Variants in ADGRB3 observed in about 807,000 individuals in gnomAD.
ADGRB3 encodes brain-specific angiogenesis inhibitor 3.
A neutral mutation model predicts 193.4 loss-of-function variants in ADGRB3; 37 were observed. That is an observed-to-expected ratio of 0.19 (90% CI 0.15 to 0.25). ADGRB3 has a LOEUF of 0.25. ADGRB3 is among the 10% of genes least tolerant of loss of function. ADGRB3 has a pLI of 1.00. For synonymous variants in ADGRB3, 690 were observed against 644.2 expected (o/e 1.07, Z -1.08); for missense variants, 1,637 against 1,852.9 (o/e 0.88, Z 2.14).
At chr6:69,335,284 A>G (rs1768822286) in intron 24 of ADGRB3, among the ~76,000 whole-genome samples, 5 of 152,124 alleles carry the variant, frequency 3.3e-5, no homozygotes, top group Admixed American at 3.3e-4. Context: ...CTTATTATGA[A>G]TTTAGAAATT....
intron 20 of ADGRB3, among the ~76,000 whole-genome samples, chr6:69,284,941 G>A (rs533015158): frequency 6.6e-6 from 1 of 152,142 alleles, no homozygotes; most frequent in South Asian, 2.1e-4. Context: ...CATAAAATTG[G>A]CAAGATATTC....
intron 8 of ADGRB3, among the ~76,000 whole-genome samples, chr6:68,969,448 G>A (rs966079735): frequency 2.0e-5 from 3 of 152,144 alleles, no homozygotes; most frequent in Non-Finnish European, 4.4e-5. Context: ...GTAGGCTACA[G>A]CCCTTATGAG....
At chr6:69,201,483 C>A (rs1005703119) in intron 17 of ADGRB3, among the ~76,000 whole-genome samples, 1 of 151,692 alleles carries the variant, frequency 6.6e-6, no homozygotes, top group Non-Finnish European at 1.5e-5. Context: ...TTCTAATTTT[C>A]TCTGCTTTCT....
At chr6:69,023,989 G>GA (rs1476434971) in intron 13 of ADGRB3, among the ~76,000 whole-genome samples, 2 of 151,740 alleles carry the variant, frequency 1.3e-5, no homozygotes, top group East Asian at 3.9e-4. Flanking sequence ...GCCCCCAAGT[G>GA]AAAAAAATAA....
intron 15 of ADGRB3, 65 bp from the exon 16 acceptor site, chr6:69,062,869 G>T: frequency 8.7e-7 from 1 of 1,148,070 alleles, no homozygotes; most frequent in South Asian, 1.3e-5. Context: ...AAAATGTATT[G>T]AGCAGTAGGA....
chr6:69,315,847 A>G (rs554196043), intron 20 of ADGRB3, among the ~76,000 whole-genome samples: 1 of 151,570 alleles, frequency 6.6e-6, no homozygotes, highest in Admixed American at 6.6e-5. Context: ...AGTTTGTCTT[A>G]TATTGTTGAA....
intron 20 of ADGRB3, among the ~76,000 whole-genome samples, chr6:69,290,543 A>G (rs192506400): frequency 1.6e-4 from 24 of 152,210 alleles, no homozygotes; most frequent in Admixed American, 5.9e-4. Context: ...TATCAACCCA[A>G]ATCAGTTTCT....
At chr6:69,283,515 GC>G (rs1398979363) in intron 20 of ADGRB3, among the ~76,000 whole-genome samples, 2 of 152,106 alleles carry the variant, frequency 1.3e-5, no homozygotes, top group African/African-American at 4.8e-5. Flanking sequence ...GTTAGACATT[GC>G]TTTGGCTCCT....
chr6:68,733,918 C>G (rs764382751), intron 3 of ADGRB3, among the ~76,000 whole-genome samples: 1 of 151,238 alleles, frequency 6.6e-6, no homozygotes, highest in Non-Finnish European at 1.5e-5. Flanking sequence ...CCCCATTCGC[C>G]ACGATGTGCA....
At chr6:69,100,258 A>G (rs1772994678) in intron 17 of ADGRB3, among the ~76,000 whole-genome samples, 2 of 152,154 alleles carry the variant, frequency 1.3e-5, no homozygotes, top group Non-Finnish European at 2.9e-5. Flanking sequence ...CACGCTTTCT[A>G]TTAATCTTCT....
At position 68,979,546 on chromosome 6, in the gene ADGRB3, T is replaced by A. The variant is rs1405542354; in HGVS notation, c.1734+4206T>A. On this transcript the variant is annotated intron_variant, in intron 10 of 31. Coordinates refer to ENST00000370598, the MANE Select transcript of ADGRB3 (RefSeq NM_001704.3). Reference sequence around the variant, plus strand: ...ATCCAATTAAATAAAATTGAGAATATGAGAACAAAGTGCTAAACGTTGTGA... The same window carrying A: ...ATCCAATTAAATAAAATTGAGAATAAGAGAACAAAGTGCTAAACGTTGTGA... 1.3e-5 allele frequency among the ~76,000 whole-genome samples: 2 copies of A among 151,542 alleles called. 1 individual carries two copies. The highest frequency in any genetic ancestry group is 3.0e-5 in the Non-Finnish European group (2 of 67,696).
intron 3 of ADGRB3, among the ~76,000 whole-genome samples, chr6:68,827,604 G>A (rs1767869143): frequency 1.3e-5 from 2 of 151,962 alleles, no homozygotes; most frequent in African/African-American, 4.8e-5. Context: ...GGAGGAGCTA[G>A]TCTTTGTTAA....
intron 26 of ADGRB3, among the ~76,000 whole-genome samples, chr6:69,343,563 T>A (rs1175909357): frequency 2.0e-5 from 3 of 152,122 alleles, no homozygotes; most frequent in East Asian, 1.9e-4. Context: ...ACTAAAAAAA[T>A]TTGGAATGTT....
chr6:69,324,786 A>G, intron 20 of ADGRB3, 86 bp from the exon 21 acceptor site: 1 of 1,413,992 alleles, frequency 7.1e-7, no homozygotes, highest in Non-Finnish European at 9.7e-7. Context: ...AAAGCAATGA[A>G]TCAGAGATTA....
At chr6:68,867,728 T>G (rs934829090) in intron 3 of ADGRB3, among the ~76,000 whole-genome samples, 10 of 152,176 alleles carry the variant, frequency 6.6e-5, no homozygotes, top group Non-Finnish European at 1.3e-4. Flanking sequence ...AGGCCAATCT[T>G]TGTATCCGCA....
chr6:68,772,916 T>A (rs1255310843), intron 3 of ADGRB3, among the ~76,000 whole-genome samples: 1,036 of 59,138 alleles, frequency 0.018, 52 homozygotes, highest in African/African-American at 0.07. Flanking sequence ...TATATATATA[T>A]ATATATATAT....
intron 28 of ADGRB3, among the ~76,000 whole-genome samples, chr6:69,357,117 G>T (rs1284964736): frequency 6.6e-6 from 1 of 151,876 alleles, no homozygotes. Flanking sequence ...ATTCTCTGAG[G>T]CACGATGCCC....
intron 3 of ADGRB3, among the ~76,000 whole-genome samples, chr6:68,897,868 G>A (rs867706537): frequency 7.0e-6 from 1 of 143,372 alleles, no homozygotes; most frequent in Non-Finnish European, 1.5e-5. Flanking sequence ...AAAGAAAAAA[G>A]AAAGAAAGAA....
At chr6:69,134,164 T>C (rs1774087643) in intron 17 of ADGRB3, among the ~76,000 whole-genome samples, 1 of 152,096 alleles carries the variant, frequency 6.6e-6, no homozygotes, top group African/African-American at 2.4e-5. Flanking sequence ...CTCTGAGAAT[T>C]GGTCCTCTTG....
Sources: gnomAD v4.1 joint callset for allele counts (sites outside exome capture counted in the v4.1 genomes callset) on GRCh38, gnomAD v4.1.1 for gene constraint, MANE v1.5 for transcripts, NCBI Gene and HGNC (gene_info 2026-07-23, HGNC 2026-07-21) for gene names.